The following TAOK3 variants were observed in gnomAD, a reference collection of about 807,000 sequenced individuals.
The protein encoded by TAOK3 is TAO kinase 3.
A neutral mutation model predicts 120.4 loss-of-function variants in TAOK3; 40 were observed. The observed-to-expected ratio is 0.33, with a 90% CI of 0.26 to 0.43. The LOEUF (loss-of-function observed/expected upper bound fraction) is 0.43. Among genes scored for constraint, TAOK3 ranks in the 20% least tolerant of loss-of-function variants. TAOK3 has a pLI of 1.00. For synonymous variants in TAOK3, 355 were observed against 387.5 expected (o/e 0.92, Z 0.99); for missense variants, 821 against 1,112.1 (o/e 0.74, Z 3.72).
rs984071207 is a variant in TAOK3 at position 118,297,319 on chromosome 12, T to A, written c.-193-30560A>T. On this transcript the variant is annotated intron_variant, in intron 1 of 20. Transcript: ENST00000392533. ...GACAACTATTAGTCAAATGTTACAG[T>A]GTTAAACTTTATGTAATCTGGCCCT... is the stretch of plus-strand genomic sequence containing the variant. Among the ~76,000 whole-genome samples the A allele has an allele frequency of 3.0e-4, 45 of 152,204 alleles. 1 individual carries two copies. Among genetic ancestry groups the A allele is most frequent in the Non-Finnish European group, 4.4e-5 (3 of 68,024 alleles).
chr12:118,330,184 T>G (rs2044084378), intron 1 of TAOK3, among the ~76,000 whole-genome samples: 1 of 152,144 alleles, frequency 6.6e-6, no homozygotes, highest in African/African-American at 2.4e-5. Flanking sequence ...AATAGAACCC[T>G]CACTATAAAA....
chr12:118,289,345 G>A lies in TAOK3; in HGVS notation c.-193-22586C>T, dbSNP rs180704079. Among the ~76,000 whole-genome samples, 8 of 149,652 alleles carry A rather than the reference G, an allele frequency of 5.3e-5. No homozygotes were observed. The East Asian group carries it at 1.6e-3, about 29-fold the overall frequency. ...AAACAAAAGTGTTATTCTTCTTCAG[G>A]TATTTAGAATAACTGATCTTTTGAT... On this transcript the variant is annotated intron_variant, in intron 1 of 20. Transcript: ENST00000392533.
intron 1 of TAOK3, among the ~76,000 whole-genome samples, chr12:118,358,546 A>G (rs537474831): frequency 6.6e-6 from 1 of 152,354 alleles, no homozygotes; most frequent in South Asian, 2.1e-4. Flanking sequence ...ATCCATTAGC[A>G]TAAACTGTAT....
At chr12:118,156,348 A>C (rs2034824232) in intron 19 of TAOK3, among the ~76,000 whole-genome samples, 1 of 151,734 alleles carries the variant, frequency 6.6e-6, no homozygotes, top group Non-Finnish European at 1.5e-5. Flanking sequence ...AGATACCACA[A>C]CTTCTTGGTT....
At chr12:118,369,543 G>A (rs2045840922) in intron 1 of TAOK3, among the ~76,000 whole-genome samples, 1 of 152,134 alleles carries the variant, frequency 6.6e-6, no homozygotes, top group African/African-American at 2.4e-5. Context: ...AGTCAGAAAT[G>A]AGCTAACAAA....
intron 19 of TAOK3, among the ~76,000 whole-genome samples, chr12:118,154,992 A>AAT (rs200434247): frequency 7.5e-5 from 11 of 146,738 alleles, no homozygotes; most frequent in Non-Finnish European, 1.2e-4. Flanking sequence ...TGGTTTTGTA[A>AAT]ATATATATAT....
intron 1 of TAOK3, among the ~76,000 whole-genome samples, chr12:118,327,384 C>CAT (rs1364024869): frequency 6.6e-6 from 1 of 152,134 alleles, no homozygotes; most frequent in African/African-American, 2.4e-5. Flanking sequence ...ACTTTCTAAT[C>CAT]ATAGCATGAA....
intron 13 of TAOK3, among the ~76,000 whole-genome samples, chr12:118,194,553 A>C (rs183376434): frequency 4.6e-5 from 7 of 152,020 alleles, no homozygotes; most frequent in Non-Finnish European, 1.0e-4. Flanking sequence ...AAATAATAGG[A>C]AAGGCCACTG....
chr12:118,334,441 G>C (rs897797909), intron 1 of TAOK3, among the ~76,000 whole-genome samples: 4 of 152,164 alleles, frequency 2.6e-5, no homozygotes, highest in Admixed American at 6.6e-5. Flanking sequence ...AGCAAAGGTT[G>C]CCAGGGCCGA....
intron 1 of TAOK3, among the ~76,000 whole-genome samples, chr12:118,324,109 T>A (rs1438645337): frequency 6.6e-6 from 1 of 152,178 alleles, no homozygotes; most frequent in Non-Finnish European, 1.5e-5. Context: ...GAAATGTATA[T>A]GTGTAAGAAA....
At chr12:118,260,481 T>A (rs962033953) in intron 2 of TAOK3, among the ~76,000 whole-genome samples, 2 of 152,088 alleles carry the variant, frequency 1.3e-5, no homozygotes. Context: ...GCAAATATAA[T>A]TCATAATGAG....
chr12:118,218,234 A>G (rs1470020016), intron 9 of TAOK3, among the ~76,000 whole-genome samples: 1 of 152,082 alleles, frequency 6.6e-6, no homozygotes, highest in African/African-American at 2.4e-5. Flanking sequence ...GTGTGGTCGA[A>G]TGGATTTATA....
In TAOK3 at chr12:118,151,242, T is replaced by G. The variant is rs928088981; in HGVS notation, c.2536-84A>C. ...CACGCGATACACCCATAGGCACACA[T>G]ATGACATGCACACACACATAGGCAC... On this transcript the variant is annotated intron_variant, in intron 20 of 20. Coordinates refer to ENST00000392533, the MANE Select transcript of TAOK3 (RefSeq NM_016281.4). 3.5e-6 allele frequency: 5 copies of G among 1,424,474 alleles called. No individual in the cohort carries two copies. In the Admixed American group the frequency reaches 9.5e-5, roughly 27 times the overall value. 88.2% of individuals were successfully genotyped at this position (1,424,474 alleles called of 1,614,324 possible). A position where few individuals can be genotyped will look rare whatever the true frequency, so the allele number is the denominator to read the frequency against.
At chr12:118,210,737 T>G (rs557516951) in intron 11 of TAOK3, among the ~76,000 whole-genome samples, 4 of 149,236 alleles carry the variant, frequency 2.7e-5, no homozygotes, top group African/African-American at 1.0e-4. Flanking sequence ...TCTTTTCTTT[T>G]TTCTTTTTTT....
chr12:118,302,687 C>T (rs1171462913), intron 1 of TAOK3, among the ~76,000 whole-genome samples: 1 of 152,074 alleles, frequency 6.6e-6, no homozygotes. Flanking sequence ...GAATATTAGT[C>T]ACTCAAGACA....
At chr12:118,199,614 G>T in intron 12 of TAOK3, 1 of 307,676 alleles carries the variant, frequency 3.3e-6, no homozygotes, top group Non-Finnish European at 6.3e-6. Flanking sequence ...GCTAGAGGAA[G>T]ACTGCTGGCC....
intron 1 of TAOK3, among the ~76,000 whole-genome samples, chr12:118,269,968 A>G (rs1332261637): frequency 6.6e-6 from 1 of 152,130 alleles, no homozygotes; most frequent in Non-Finnish European, 1.5e-5. Context: ...CTGTTTTTCC[A>G]AATTATTCTG....
chr12:118,243,587 C>T (rs1056515153), intron 4 of TAOK3, 71 bp from the exon 5 acceptor site: 46 of 549,600 alleles, frequency 8.4e-5, no homozygotes, highest in African/African-American at 3.6e-4. Flanking sequence ...ATCAAGTATA[C>T]GTATATATCA....
chr12:118,158,343 T>C (rs532320490), intron 19 of TAOK3, among the ~76,000 whole-genome samples: 7 of 152,340 alleles, frequency 4.6e-5, no homozygotes, highest in South Asian at 2.1e-4. Context: ...CAATGAAGTC[T>C]AGCTTTCTGC....
Sources: allele counts gnomAD v4.1 joint callset (sites outside exome capture counted in the v4.1 genomes callset), GRCh38; gene constraint gnomAD v4.1.1; transcripts MANE v1.5; gene names NCBI Gene and HGNC (gene_info 2026-07-23, HGNC 2026-07-21).